The following RBPJ variants were observed in gnomAD, a reference collection of about 807,000 sequenced individuals.
RBPJ encodes the protein recombination signal binding protein for immunoglobulin kappa J region.
RBPJ carries 9 observed loss-of-function variants against 67.8 expected under a neutral mutation model. That is an observed-to-expected ratio of 0.13 (90% CI 0.08 to 0.23). The LOEUF (loss-of-function observed/expected upper bound fraction) is 0.23, where lower values mean the gene tolerates loss of function less well. Among genes scored for constraint, RBPJ ranks in the 10% least tolerant of loss-of-function variants. The pLI, the probability that RBPJ is intolerant of heterozygous loss-of-function variation, is 1.00. For synonymous variants in RBPJ, 198 were observed against 203.3 expected, an observed-to-expected ratio of 0.97 and a Z score of 0.22; for missense variants, 305 against 595.6, an observed-to-expected ratio of 0.51 and a Z score of 5.08.
At chr4:26,392,542 A>G (rs1379733866) in intron 2 of RBPJ, among the ~76,000 whole-genome samples, 2 of 152,190 alleles carry the variant, frequency 1.3e-5, no homozygotes, top group Non-Finnish European at 2.9e-5. Flanking sequence ...ATTATATTCA[A>G]TTTTCTAAAT....
intron 1 of RBPJ, chr4:26,359,646 G>A (rs1471497356): frequency 1.3e-5 from 2 of 152,090 alleles, no homozygotes; most frequent in African/African-American, 2.4e-5. Flanking sequence ...GGGACGTGAG[G>A]TTCCCGAGTG....
chr4:26,299,384 G>A (rs1299215348), intron 1 of RBPJ, among the ~76,000 whole-genome samples: 1 of 151,706 alleles, frequency 6.6e-6, no homozygotes, highest in Non-Finnish European at 1.5e-5. Context: ...CCACTGATAT[G>A]GTAGCTAATA....
intron 1 of RBPJ, among the ~76,000 whole-genome samples, chr4:26,304,463 A>G (rs1294752657): frequency 6.6e-6 from 1 of 152,324 alleles, no homozygotes; most frequent in Middle Eastern, 3.4e-3. Context: ...CTCACCATCA[A>G]TGTATGAGGG....
At chr4:26,257,335 A>T (rs577463419) in intron 1 of RBPJ, among the ~76,000 whole-genome samples, 2 of 152,388 alleles carry the variant, frequency 1.3e-5, no homozygotes, top group African/African-American at 4.8e-5. Context: ...AAACAGTCAT[A>T]AACAGGTGGA....
At chr4:26,135,150 A>T in the RBPJ span, among the ~76,000 whole-genome samples, 86 of 151,940 alleles carry the variant, frequency 5.7e-4, no homozygotes, top group African/African-American at 1.9e-3. Context: ...ACCCCTCAAC[A>T]TCCTCAATGT....
upstream of RBPJ, among the ~76,000 whole-genome samples, chr4:26,318,636 G>A (rs1463014050): frequency 6.6e-6 from 1 of 151,338 alleles, no homozygotes; most frequent in Non-Finnish European, 1.5e-5. Flanking sequence ...AGAGCGCAGA[G>A]CTGTTTATTT....
chr4:26,310,828 C>G (rs1040015101), intron 1 of RBPJ, among the ~76,000 whole-genome samples: 1 of 152,004 alleles, frequency 6.6e-6, no homozygotes, highest in African/African-American at 2.4e-5. Flanking sequence ...TGCCAACGCA[C>G]CCGGCTAATT....
intron 1 of RBPJ, among the ~76,000 whole-genome samples, chr4:26,261,998 T>G (rs1255318960): frequency 6.6e-6 from 1 of 152,200 alleles, no homozygotes; most frequent in Non-Finnish European, 1.5e-5. Flanking sequence ...CAGCCCAGAG[T>G]GCAGTGGCAC....
intron 1 of RBPJ, among the ~76,000 whole-genome samples, chr4:26,356,907 C>T (rs1727445930): frequency 6.6e-6 from 1 of 152,142 alleles, no homozygotes; most frequent in Admixed American, 6.6e-5. Context: ...ATAGCAGTGT[C>T]TGAGAATCGA....
chr4:26,333,114 A>G (rs981885946), intron 1 of RBPJ, among the ~76,000 whole-genome samples: 1 of 152,166 alleles, frequency 6.6e-6, no homozygotes, highest in African/African-American at 2.4e-5. Flanking sequence ...TGGATGGAAA[A>G]TACAGTATTC....
chr4:26,223,763 G>C (rs1390314449), intron 1 of RBPJ, among the ~76,000 whole-genome samples: 1 of 152,226 alleles, frequency 6.6e-6, no homozygotes, highest in Non-Finnish European at 1.5e-5. Flanking sequence ...CAGAGTGGCA[G>C]TCAGAGGATA....
At chr4:26,381,614 G>T (rs1730340165) in intron 1 of RBPJ, among the ~76,000 whole-genome samples, 1 of 152,144 alleles carries the variant, frequency 6.6e-6, no homozygotes, top group African/African-American at 2.4e-5. Flanking sequence ...ATATGGTGAA[G>T]AATGTAAATT....
intron 1 of RBPJ, among the ~76,000 whole-genome samples, chr4:26,348,983 A>T (rs1726484875): frequency 6.6e-6 from 1 of 152,192 alleles, no homozygotes; most frequent in African/African-American, 2.4e-5. Context: ...TTGAGGTTAC[A>T]GGCGTGAGCT....
chr4:26,144,222 T>TG, the RBPJ span, among the ~76,000 whole-genome samples: 5 of 11,336 alleles, frequency 4.4e-4, no homozygotes, highest in South Asian at 0.017. Context: ...TTTGTTTCAA[T>TG]TTTTTTATAG....
chr4:26,171,290 C>T lies in RBPJ; in HGVS notation c.-167+7676C>T, dbSNP rs774769247. ...TGAAAACTAATCGCCTAGGTTAAAA[C>T]ATAGACATGTCACTGTACAGTATAC... On this transcript the variant is annotated intron_variant, in intron 1 of 4. Transcript: ENST00000512351. 2.9e-4 allele frequency among the ~76,000 whole-genome samples: 44 copies of T among 152,112 alleles called. 1 individual carries two copies. The highest frequency in any genetic ancestry group is 5.6e-4 in the Non-Finnish European group (38 of 68,026).
chr4:26,168,678 T>G (rs1336245502), intron 1 of RBPJ, among the ~76,000 whole-genome samples: 3 of 152,244 alleles, frequency 2.0e-5, no homozygotes, highest in Middle Eastern at 3.2e-3. Context: ...TCCAACTTGG[T>G]TCCATTCTCC....
intron 2 of RBPJ, among the ~76,000 whole-genome samples, chr4:26,389,643 A>ACC: frequency 1.3e-5 from 2 of 151,394 alleles, no homozygotes; most frequent in East Asian, 3.9e-4. Flanking sequence ...AGAGTCACAG[A>ACC]TGTTTGAAGG....
rs1053040885 is a variant in RBPJ, at chr4:26,363,854, A to G, written c.21-22499A>G. Among the ~76,000 whole-genome samples the G allele has an allele frequency of 1.1e-4, 16 of 152,208 alleles. 1 individual carries two copies. Among genetic ancestry groups the G allele is most frequent in the African/African-American group, 3.9e-4 (16 of 41,468 alleles). On this transcript the variant is annotated intron_variant, in intron 1 of 10. Coordinates refer to ENST00000355476, the MANE Select transcript of RBPJ (RefSeq NM_015874.6). ...TTTGCTGTTACTTGTGGTTACTAGT[A>G]TAGTAATTCTAGTCTTCGTAATACC...
At chr4:26,398,970 G>C (rs1732470716) in intron 2 of RBPJ, among the ~76,000 whole-genome samples, 1 of 152,106 alleles carries the variant, frequency 6.6e-6, no homozygotes, top group Admixed American at 6.6e-5. Flanking sequence ...TCAGTTTCTA[G>C]ATACTAGGTT....
Sources: gnomAD v4.1 joint callset for allele counts (sites outside exome capture counted in the v4.1 genomes callset) on GRCh38, gnomAD v4.1.1 for gene constraint, MANE v1.5 for transcripts, NCBI Gene and HGNC (gene_info 2026-07-23, HGNC 2026-07-21) for gene names.